Variants in RTN4RL2 observed in about 807,000 individuals in gnomAD.
The protein encoded by RTN4RL2 is reticulon 4 receptor like 2, also known as reticulon-4 receptor-like 2.
RTN4RL2 carries 9 observed loss-of-function variants against 27.8 expected under a neutral mutation model. That is an observed-to-expected ratio of 0.32 (90% CI 0.20 to 0.57). RTN4RL2 has a LOEUF of 0.57. Ranked by LOEUF, RTN4RL2 falls within the 20% of genes least tolerant of loss-of-function variation. RTN4RL2 has a pLI of 0.90. For synonymous variants in RTN4RL2, 285 were observed against 297.9 expected (o/e 0.96, Z 0.45); for missense variants, 436 against 596.8 (o/e 0.73, Z 2.81).
Position 57,467,150 on chromosome 11 carries a change from A to G in RTN4RL2, c.32-459A>G, listed in dbSNP as rs183085283. On this transcript the variant is annotated intron_variant, in intron 1 of 2. Coordinates refer to ENST00000335099, the MANE Select transcript of RTN4RL2 (RefSeq NM_178570.3). This position sits in a 1 kb window ranked among gnomAD's most constrained non-coding sequence, Gnocchi z 5.5. ...GGAAGTGGCCAGGCCACTTGAGGCT[A>G]TAACGTTGTCCCCTGAGCCCCCAGA... 3.5e-3 allele frequency among the ~76,000 whole-genome samples: 536 copies of G among 152,300 alleles called. 1 individual carries two copies. The highest frequency in any genetic ancestry group is 0.012 in the African/African-American group (506 of 41,570).
Position 57,477,078 on chromosome 11 carries a change from CT to C in RTN4RL2, c.*168del. ...CAGGCCGCCTCTCCTTGCCTGCCCC[CT>C]GGGCTGTCCTGACTTGTGGCAGCCC... On this transcript the variant is annotated 3_prime_UTR_variant, in exon 3 of 3. Coordinates refer to ENST00000335099, the MANE Select transcript of RTN4RL2 (RefSeq NM_178570.3). The C allele has an allele frequency of 4.8e-6, 3 of 627,946 alleles. No individual in the cohort carries two copies. Among genetic ancestry groups the C allele is most frequent in the Non-Finnish European group, 7.7e-6 (3 of 390,728 alleles). The allele number at this position is 627,946 out of a possible 1,614,324, so 38.9% of individuals were successfully genotyped here.
intron 1 of RTN4RL2, among the ~76,000 whole-genome samples, chr11:57,466,294 C>T (rs909060123): frequency 2.2e-4 from 34 of 152,010 alleles, no homozygotes; most frequent in Non-Finnish European, 4.4e-5. Flanking sequence ...CGTGAGCCAC[C>T]GCGCCCGGCC....
rs1387022425 is a variant in RTN4RL2 at position 57,460,842 on chromosome 11, C to T, written c.-24C>T. On this transcript the variant is annotated 5_prime_UTR_variant, in exon 1 of 3. Transcript: ENST00000335099. ...GTGGGAGCGCCCTCCCCCCGCTGCC[C>T]CCTCCCCCGAGCATCGAGACAAGAT... 14 of 1,396,428 alleles carry T rather than the reference C, an allele frequency of 1.0e-5. No individual in the cohort carries two copies. In the Middle Eastern group the frequency reaches 7.9e-4, roughly 78 times the overall value. The allele number at this position is 1,396,428 out of a possible 1,614,324, so 86.5% of individuals were successfully genotyped here. A position where few individuals can be genotyped will look rare whatever the true frequency, so the allele number is the denominator to read the frequency against.
At chr11:57,468,510 C>T (rs1202428654) in intron 2 of RTN4RL2, 12 of 1,483,352 alleles carry the variant, frequency 8.1e-6, no homozygotes, top group Middle Eastern at 1.7e-4. Context: ...GTGTATCTGT[C>T]TCTTTCTGTG....
At position 57,460,562 on chromosome 11, in the gene RTN4RL2, AGACGGACT is replaced by A. The variant is rs1015203947; in HGVS notation, c.-295_-288del. The A allele has an allele frequency of 1.6e-3, 266 of 165,694 alleles. No homozygotes were observed. Among genetic ancestry groups the A allele is most frequent in the African/African-American group, 6.2e-3 (258 of 41,904 alleles). 10.3% of individuals were successfully genotyped at this position (165,694 alleles called of 1,614,324 possible). On this transcript the variant is annotated 5_prime_UTR_variant, in exon 1 of 3. Transcript: ENST00000335099. The stretch of plus-strand genomic sequence containing the variant: ...CGGCTAGCAGCCTGGGCACACGGAC[AGACGGACT>A]GACGGACTCTCGAGCGGACAGCGCA...
rs1054488966 is a variant in RTN4RL2, at chr11:57,460,839, G to C, written c.-27G>C. ...CGAGTGGGAGCGCCCTCCCCCCGCT[G>C]CCCCCTCCCCCGAGCATCGAGACAA... On this transcript the variant is annotated 5_prime_UTR_variant, in exon 1 of 3. Transcript: ENST00000335099. 7.9e-6 allele frequency: 11 copies of C among 1,386,750 alleles called. No individual in the cohort carries two copies. The highest frequency in any genetic ancestry group is 9.5e-6 in the Non-Finnish European group (10 of 1,053,174). The allele number at this position is 1,386,750 out of a possible 1,614,324, so 85.9% of individuals were successfully genotyped here. A position where few individuals can be genotyped will look rare whatever the true frequency, so the allele number is the denominator to read the frequency against.
rs778586169 is a variant in RTN4RL2 at position 57,476,131 on chromosome 11, C to T, written c.514-31C>T. The T allele has an allele frequency of 9.5e-6, 15 of 1,577,990 alleles. No homozygotes were observed. Among genetic ancestry groups the T allele is most frequent in the Non-Finnish European group, 1.3e-5 (15 of 1,160,342 alleles). On this transcript the variant is annotated intron_variant, in intron 2 of 2. Coordinates refer to ENST00000335099, the MANE Select transcript of RTN4RL2 (RefSeq NM_178570.3). This position sits in a 1 kb window ranked among gnomAD's most constrained non-coding sequence, Gnocchi z 8.2. The stretch of plus-strand genomic sequence containing the variant: ...CTGCACCCTACCTCAGGCCCATTCT[C>T]TTCTTCTGTGCCCCACTCCACCCCA...
intron 2 of RTN4RL2, among the ~76,000 whole-genome samples, chr11:57,475,018 A>C (rs1434612136): frequency 6.6e-6 from 1 of 152,094 alleles, no homozygotes; most frequent in African/African-American, 2.4e-5. Context: ...TACCCAGCCT[A>C]GTAGCAGTAC....
rs768280748 is a variant in RTN4RL2, at chr11:57,468,010, A to G, written c.433A>G (p.Ser145Gly). 59 of 1,602,738 alleles carry G rather than the reference A, an allele frequency of 3.7e-5. No individual in the cohort carries two copies. The highest frequency in any genetic ancestry group is 4.6e-5 in the Non-Finnish European group (54 of 1,179,958). The change falls in exon 2 of 3, where the codon AGC becomes GGC. Residue 145 changes from serine (S) to glycine (G), a missense_variant. Ser to Gly is a moderately conservative substitution (Grantham distance 56). This residue lies in a region of RTN4RL2 where 365 missense variants were observed against 530.5 expected (regional missense o/e 0.69). Transcript: ENST00000335099. ...GCATTTGTACCGCTGCCAGCTCAGC[A>G]GCCTGCCCGGCAACATCTTCCGAGG... is the stretch of plus-strand genomic sequence containing the variant. Reference protein sequence around the residue: ...SLHLYRCQLSSLPGNIFRGLV... With the variant: ...SLHLYRCQLSGLPGNIFRGLV...
In RTN4RL2 at chr11:57,477,013, G is replaced by A; in HGVS notation, c.*102G>A. On this transcript the variant is annotated 3_prime_UTR_variant, in exon 3 of 3. Coordinates refer to ENST00000335099, the MANE Select transcript of RTN4RL2 (RefSeq NM_178570.3). The stretch of plus-strand genomic sequence containing the variant: ...TCGCCCCACCTTCCCTGGCCTTGCT[G>A]CCTCCCTTTCCCCTCCCAGCTCCTC... The A allele has an allele frequency of 8.1e-7, 1 of 1,240,258 alleles. No homozygotes were observed. Among genetic ancestry groups the A allele is most frequent in the Non-Finnish European group, 1.1e-6 (1 of 922,042 alleles). The allele number at this position is 1,240,258 out of a possible 1,614,324, so 76.8% of individuals were successfully genotyped here.
At position 57,476,615 on chromosome 11, in the gene RTN4RL2, C is replaced by G; in HGVS notation, c.967C>G (p.Arg323Gly). The change falls in exon 3 of 3, where the codon CGC becomes GGC. Residue 323 changes from arginine to glycine, a missense_variant. Transcript: ENST00000335099. This position sits in a 1 kb window ranked among gnomAD's most constrained non-coding sequence, Gnocchi z 8.2. ...ACCCACGCGGCCGGGCAGCCGCGCC[C>G]GCGGCAACAGCTCCTCCAACCACCT... is the stretch of plus-strand genomic sequence containing the variant. ...AAPTRPGSRA[R>G]GNSSSNHLYG... 7.1e-7 allele frequency: 1 copy of G among 1,412,728 alleles called. No homozygotes were observed. The highest frequency in any genetic ancestry group is 9.2e-7 in the Non-Finnish European group (1 of 1,090,734). 87.5% of individuals were successfully genotyped at this position (1,412,728 alleles called of 1,614,324 possible).
At position 57,460,819 on chromosome 11, in the gene RTN4RL2, G is replaced by A. The variant is rs1258250164; in HGVS notation, c.-47G>A. 9 of 1,256,438 alleles carry A rather than the reference G, an allele frequency of 7.2e-6. No homozygotes were observed. Among genetic ancestry groups the A allele is most frequent in the Non-Finnish European group, 9.6e-6 (9 of 935,842 alleles). The allele number at this position is 1,256,438 out of a possible 1,614,324, so 77.8% of individuals were successfully genotyped here. A position where few individuals can be genotyped will look rare whatever the true frequency, so the allele number is the denominator to read the frequency against. On this transcript the variant is annotated 5_prime_UTR_variant, in exon 1 of 3. Coordinates refer to ENST00000335099, the MANE Select transcript of RTN4RL2 (RefSeq NM_178570.3). ...CATCCGGCGGGCTCAGGGAGCGAGT[G>A]GGAGCGCCCTCCCCCCGCTGCCCCC...
In RTN4RL2 at chr11:57,477,027, T is replaced by C. The variant is rs1590735108; in HGVS notation, c.*116T>C. 2.9e-6 allele frequency: 3 copies of C among 1,042,724 alleles called. No homozygotes were observed. In the East Asian group the frequency reaches 9.1e-5, roughly 32 times the overall value. 64.6% of individuals were successfully genotyped at this position (1,042,724 alleles called of 1,614,324 possible). ...CTGGCCTTGCTGCCTCCCTTTCCCC[T>C]CCCAGCTCCTCTCCTCCCCGGGGAG... On this transcript the variant is annotated 3_prime_UTR_variant, in exon 3 of 3. Coordinates refer to ENST00000335099, the MANE Select transcript of RTN4RL2 (RefSeq NM_178570.3).
chr11:57,461,075 G>C (rs1418934222), intron 1 of RTN4RL2, among the ~76,000 whole-genome samples, 179 bp downstream of exon 1: 1 of 152,106 alleles, frequency 6.6e-6, no homozygotes, highest in African/African-American at 2.4e-5. Flanking sequence ...AGGGCACTTG[G>C]CTGGGAGCCC....
At chr11:57,465,831 T>C (rs925654619) in intron 1 of RTN4RL2, among the ~76,000 whole-genome samples, 3 of 151,092 alleles carry the variant, frequency 2.0e-5, no homozygotes, top group Admixed American at 2.0e-4. Flanking sequence ...ATATCCAACC[T>C]TCAAAAGTTA....
rs1943475558 is a variant in RTN4RL2, at chr11:57,460,641, TCCCCGCCCCGTCGCGCCCCG to T, written c.-219_-200del. ...GGGCGTCGACGGCCAGCCCCAGCCT[TCCCCGCCCCGTCGCGCCCCG>T]CCCCGTCCCGTCGGGGCCGATGGCT... On this transcript the variant is annotated 5_prime_UTR_variant, in exon 1 of 3. Coordinates refer to ENST00000335099, the MANE Select transcript of RTN4RL2 (RefSeq NM_178570.3). 9.2e-6 allele frequency: 2 copies of T among 216,696 alleles called. No homozygotes were observed. The highest frequency in any genetic ancestry group is 5.8e-5 in the Admixed American group (1 of 17,236). 13.4% of individuals were successfully genotyped at this position (216,696 alleles called of 1,614,324 possible).
intron 2 of RTN4RL2, among the ~76,000 whole-genome samples, chr11:57,474,732 C>G (rs1251096708): frequency 6.6e-6 from 1 of 152,176 alleles, no homozygotes; most frequent in Non-Finnish European, 1.5e-5. Context: ...GCATTAGCTC[C>G]CAAGTCAGCT....
In RTN4RL2 at chr11:57,467,575, C is replaced by T. The variant is rs781285611; in HGVS notation, c.32-34C>T. ...CCAGCTGGCACTCCTGCCCTGGAAG[C>T]CCACCTAGTAAGTTCTGCTTCCCCT... On this transcript the variant is annotated intron_variant, in intron 1 of 2. Coordinates refer to ENST00000335099, the MANE Select transcript of RTN4RL2 (RefSeq NM_178570.3). This position sits in a 1 kb window ranked among gnomAD's most constrained non-coding sequence, Gnocchi z 5.5. 6.4e-7 allele frequency: 1 copy of T among 1,566,256 alleles called. No homozygotes were observed. Among genetic ancestry groups the T allele is most frequent in the South Asian group, 1.2e-5 (1 of 83,468 alleles).
chr11:57,471,776 C>T (rs1451771141), intron 2 of RTN4RL2, among the ~76,000 whole-genome samples: 1 of 152,222 alleles, frequency 6.6e-6, no homozygotes, highest in Admixed American at 6.5e-5. Flanking sequence ...GCCAGGGATT[C>T]AGGAGAGAAC....
Sources: gnomAD v4.1 joint callset for allele counts (sites outside exome capture counted in the v4.1 genomes callset) on GRCh38, gnomAD v4.1.1 for gene constraint, gnomAD v4.1.1 regional missense constraint, Gnocchi (gnomAD v3.1) non-coding constraint, MANE v1.5 for transcripts, NCBI Gene and HGNC (gene_info 2026-07-23, HGNC 2026-07-21) for gene names.